The following CCBE1 variants were observed in gnomAD, a reference collection of about 807,000 sequenced individuals.
CCBE1 encodes collagen and calcium binding EGF domains 1, also known as collagen and calcium-binding EGF domain-containing protein 1.
A neutral mutation model predicts 50.0 loss-of-function variants in CCBE1; 37 were observed. The observed-to-expected ratio is 0.74, with a 90% CI of 0.57 to 0.97. CCBE1 has a LOEUF of 0.97. CCBE1 is among the 50% of genes least tolerant of loss of function. The pLI is 0.00. For missense variants in CCBE1, 538 were observed against 523.8 expected, an observed-to-expected ratio of 1.03 and a Z score of -0.26; for synonymous variants, 234 against 203.7, an observed-to-expected ratio of 1.15 and a Z score of -1.27.
At chr18:59,511,417 C>A (rs540905080) in intron 2 of CCBE1, among the ~76,000 whole-genome samples, 1 of 152,344 alleles carries the variant, frequency 6.6e-6, no homozygotes, top group African/African-American at 2.4e-5. Flanking sequence ...CTTGCTCCAT[C>A]ATCAGTGAAC....
At chr18:59,670,591 C>A (rs528329696) in intron 2 of CCBE1, among the ~76,000 whole-genome samples, 1 of 152,142 alleles carries the variant, frequency 6.6e-6, no homozygotes, top group Non-Finnish European at 1.5e-5. Flanking sequence ...CAAAGTGGAC[C>A]GGTCTATCTC....
chr18:59,655,069 A>G (rs1012217256), intron 2 of CCBE1, among the ~76,000 whole-genome samples: 2 of 138,638 alleles, frequency 1.4e-5, no homozygotes, highest in Non-Finnish European at 3.1e-5. Flanking sequence ...CCTGGGCGAC[A>G]CCACTGAGAC....
At chr18:59,603,207 G>A (rs1418996473) in intron 2 of CCBE1, among the ~76,000 whole-genome samples, 1 of 152,224 alleles carries the variant, frequency 6.6e-6, no homozygotes, top group Non-Finnish European at 1.5e-5. Flanking sequence ...AAGAAAAGAA[G>A]CTGTGACTTC....
At chr18:59,493,642 C>T (rs1194589973) in intron 2 of CCBE1, among the ~76,000 whole-genome samples, 2 of 152,046 alleles carry the variant, frequency 1.3e-5, no homozygotes, top group Non-Finnish European at 2.9e-5. Context: ...TGCTGGGCTC[C>T]AGAGCCCACC....
At chr18:59,681,943 T>C (rs1449392015) in intron 2 of CCBE1, among the ~76,000 whole-genome samples, 1 of 152,200 alleles carries the variant, frequency 6.6e-6, no homozygotes, top group Non-Finnish European at 1.5e-5. Context: ...GAGTGGTCCC[T>C]GTCAGACGGT....
chr18:59,531,741 C>T (rs540941166), intron 2 of CCBE1, among the ~76,000 whole-genome samples: 308 of 152,256 alleles, frequency 2.0e-3, no homozygotes, highest in Middle Eastern at 6.8e-3. Flanking sequence ...AACCCTGTCT[C>T]AAAAACAAAA....
chr18:59,645,746 G>T (rs2054046694), intron 2 of CCBE1, among the ~76,000 whole-genome samples: 1 of 152,168 alleles, frequency 6.6e-6, no homozygotes, highest in Non-Finnish European at 1.5e-5. Context: ...AGTATCAAAA[G>T]ACAGGCTGGG....
chr18:59,503,366 G>A (rs1326207424), intron 2 of CCBE1, among the ~76,000 whole-genome samples: 4 of 152,202 alleles, frequency 2.6e-5, no homozygotes, highest in Non-Finnish European at 4.4e-5. Context: ...AGGGCATTAT[G>A]CTACTTTACA....
chr18:59,458,780 C>T lies in CCBE1; in HGVS notation c.554-3829G>A, dbSNP rs147667084. Among the ~76,000 whole-genome samples, 230 of 152,282 alleles carry T rather than the reference C, an allele frequency of 1.5e-3. 2 individuals carry two copies. The highest frequency in any genetic ancestry group is 5.0e-3 in the African/African-American group (208 of 41,548). ...GCCAGGCTCCAGGGCAGAAGCTCTG[C>T]GGAGTGACCTGTTACATGCAAATTC... On this transcript the variant is annotated intron_variant, in intron 5 of 10. Coordinates refer to ENST00000439986, the MANE Select transcript of CCBE1 (RefSeq NM_133459.4).
At chr18:59,476,531 T>G (rs946799415) in intron 3 of CCBE1, among the ~76,000 whole-genome samples, 7 of 152,230 alleles carry the variant, frequency 4.6e-5, no homozygotes, top group Non-Finnish European at 1.0e-4. Context: ...CTGCTGTAAT[T>G]TGTTGTAGTG....
chr18:59,640,945 G>T (rs536493471), intron 2 of CCBE1, among the ~76,000 whole-genome samples: 8 of 152,054 alleles, frequency 5.3e-5, no homozygotes, highest in African/African-American at 1.7e-4. Flanking sequence ...ATACCGTCTC[G>T]TACCAGTCAG....
intron 2 of CCBE1, among the ~76,000 whole-genome samples, chr18:59,626,131 CAAATAA>C (rs1264345384): frequency 6.6e-6 from 1 of 152,134 alleles, no homozygotes; most frequent in Non-Finnish European, 1.5e-5. Flanking sequence ...CTATGATGGA[CAAATAA>C]ACAGAGGGCA....
intron 2 of CCBE1, among the ~76,000 whole-genome samples, chr18:59,638,617 A>G (rs1228768681): frequency 1.3e-5 from 2 of 152,228 alleles, no homozygotes; most frequent in South Asian, 4.1e-4. Context: ...AGAAAAATAT[A>G]TAAAGCTTAG....
chr18:59,475,539 C>G (rs1278340506), intron 3 of CCBE1, among the ~76,000 whole-genome samples: 1 of 152,030 alleles, frequency 6.6e-6, no homozygotes, highest in Admixed American at 6.6e-5. Context: ...CTGTTTTTAC[C>G]TCTTGCAATG....
chr18:59,596,781 C>T (rs796329319), intron 2 of CCBE1, among the ~76,000 whole-genome samples: 40 of 152,308 alleles, frequency 2.6e-4, no homozygotes, highest in African/African-American at 9.1e-4. Flanking sequence ...GTTGAGAGGG[C>T]CACAGGTGTG....
chr18:59,613,863 G>GTTTTTTTTTTTTTTTTTTT (rs34847608), intron 2 of CCBE1, among the ~76,000 whole-genome samples: 7 of 98,446 alleles, frequency 7.1e-5, no homozygotes, highest in African/African-American at 2.6e-4. Context: ...TCTCTGATGG[G>GTTTTTTTTTTTTTTTTTTT]TTTTTTTTTT....
intron 2 of CCBE1, among the ~76,000 whole-genome samples, chr18:59,483,241 TGA>T (rs750909685): frequency 1.9e-3 from 261 of 135,300 alleles, no homozygotes; most frequent in African/African-American, 7.0e-3. Flanking sequence ...TAAAATGTGA[TGA>T]AAAAAATTAT....
rs779213116 is a variant in CCBE1, at chr18:59,469,511, C to T, written c.362G>A (p.Arg121Gln). Residue 121 changes from arginine (R) to glutamine (Q), a missense_variant, in exon 4 of 11, where the codon CGG becomes CAG. Physicochemically the swap from Arg to Gln is conservative, Grantham distance 43. Coordinates refer to ENST00000439986, the MANE Select transcript of CCBE1 (RefSeq NM_133459.4). ...CTTCTCCCGCTTCCGGTGTCTCTCC[C>T]GGTCATATCGGTATCCCGGATAACA... ...CTCYPGYRYD[R>Q]ERHRKREKPY... The T allele has an allele frequency of 2.5e-5, 41 of 1,614,064 alleles. No individual in the cohort carries two copies. Among genetic ancestry groups the T allele is most frequent in the Admixed American group, 1.2e-4 (7 of 60,004 alleles).
Position 59,675,532 on chromosome 18 carries a change from T to G in CCBE1, c.212+21097A>C, listed in dbSNP as rs141980381. On this transcript the variant is annotated intron_variant, in intron 2 of 10. Coordinates refer to ENST00000439986, the MANE Select transcript of CCBE1 (RefSeq NM_133459.4). ...GTGGACAGCTCCCGTGTTAAAAGAC[T>G]TTTCTACAAAGCCAAGGAAGATAAG... 6.6e-3 allele frequency among the ~76,000 whole-genome samples: 999 copies of G among 152,272 alleles called. 7 individuals are homozygous for G. Among genetic ancestry groups the G allele is most frequent in the Middle Eastern group, 0.031 (9 of 294 alleles).
Sources: gnomAD v4.1 joint callset for allele counts (sites outside exome capture counted in the v4.1 genomes callset) on GRCh38, gnomAD v4.1.1 for gene constraint, MANE v1.5 for transcripts, NCBI Gene and HGNC (gene_info 2026-07-23, HGNC 2026-07-21) for gene names.